The following ENTHD1 variants were observed in gnomAD, a reference collection of about 807,000 sequenced individuals.
ENTHD1 encodes the protein ENTH domain-containing protein 1.
In ENTHD1, 23 loss-of-function variants were observed where a neutral mutation model predicts 39.1. That is an observed-to-expected ratio of 0.59 (90% CI 0.42 to 0.83). The LOEUF (loss-of-function observed/expected upper bound fraction) is 0.83. ENTHD1 is among the 40% of genes least tolerant of loss of function. ENTHD1 has a pLI of 0.00. For synonymous variants in ENTHD1, 230 were observed against 258.2 expected (o/e 0.89, Z 1.05); for missense variants, 624 against 705.4 (o/e 0.88, Z 1.31).
chr22:39,746,064 G>A (rs2065102314), intron 6 of ENTHD1, among the ~76,000 whole-genome samples: 1 of 152,158 alleles, frequency 6.6e-6, no homozygotes, highest in African/African-American at 2.4e-5. Context: ...TTCAGCCCCA[G>A]AAAATTATTC....
At chr22:39,801,284 G>A (rs1172434037) in intron 5 of ENTHD1, among the ~76,000 whole-genome samples, 2 of 152,192 alleles carry the variant, frequency 1.3e-5, no homozygotes, top group Admixed American at 1.3e-4. Context: ...GCTGAGCTCT[G>A]TAATTGCTGT....
intron 4 of ENTHD1, among the ~76,000 whole-genome samples, chr22:39,826,352 C>T (rs897085315): frequency 2.6e-4 from 39 of 151,634 alleles, no homozygotes; most frequent in Admixed American, 1.8e-3. Context: ...ATTATTTTTA[C>T]TTATTTATCT....
intron 6 of ENTHD1, among the ~76,000 whole-genome samples, chr22:39,753,683 G>A (rs946299939): frequency 1.3e-5 from 2 of 152,090 alleles, no homozygotes; most frequent in South Asian, 2.1e-4. Context: ...CCTGAGTGAC[G>A]CCAATGTCCA....
chr22:39,888,242 CTCTT>C (rs768772776), intron 1 of ENTHD1, among the ~76,000 whole-genome samples: 35 of 147,232 alleles, frequency 2.4e-4, no homozygotes, highest in South Asian at 4.3e-4. Context: ...ACTCTGACAT[CTCTT>C]TCTTTCTTTC....
chr22:39,883,837 G>A (rs1323931097), intron 2 of ENTHD1, among the ~76,000 whole-genome samples: 7 of 122,264 alleles, frequency 5.7e-5, no homozygotes, highest in African/African-American at 2.2e-4. Context: ...CTGGATGACA[G>A]AGCAAGGCTC....
At chr22:39,827,624 T>C (rs2065837152) in intron 4 of ENTHD1, among the ~76,000 whole-genome samples, 1 of 152,134 alleles carries the variant, frequency 6.6e-6, no homozygotes, top group Admixed American at 6.5e-5. Flanking sequence ...ATTTTCTTCC[T>C]CTCAGATTGA....
chr22:39,827,079 G>A (rs933947156), intron 4 of ENTHD1, among the ~76,000 whole-genome samples: 21 of 149,830 alleles, frequency 1.4e-4, no homozygotes, highest in African/African-American at 3.9e-4. Flanking sequence ...GCAGTGGCGC[G>A]ATCTCGGCTC....
intron 5 of ENTHD1, among the ~76,000 whole-genome samples, chr22:39,810,976 G>A (rs1203490850): frequency 1.3e-5 from 2 of 152,206 alleles, no homozygotes; most frequent in Non-Finnish European, 2.9e-5. Flanking sequence ...GTCCCACAGA[G>A]CAACACACTG....
intron 2 of ENTHD1, among the ~76,000 whole-genome samples, chr22:39,863,192 TAGAC>T (rs2066157658): frequency 1.3e-5 from 2 of 152,052 alleles, no homozygotes; most frequent in South Asian, 2.1e-4. Context: ...CTAAGACAGA[TAGAC>T]AGACAGGCAA....
chr22:39,827,570 C>A (rs1217257292), intron 4 of ENTHD1, among the ~76,000 whole-genome samples: 1 of 151,890 alleles, frequency 6.6e-6, no homozygotes, highest in African/African-American at 2.4e-5. Flanking sequence ...AACAAACATG[C>A]CCAATAAACA....
At chr22:39,773,644 A>G (rs1433475196) in intron 5 of ENTHD1, among the ~76,000 whole-genome samples, 2 of 152,212 alleles carry the variant, frequency 1.3e-5, no homozygotes, top group Non-Finnish European at 2.9e-5. Flanking sequence ...TTTCCTGACC[A>G]GATTCTGACA....
intron 5 of ENTHD1, among the ~76,000 whole-genome samples, chr22:39,782,372 A>G (rs1167769929): frequency 1.3e-5 from 2 of 152,094 alleles, no homozygotes; most frequent in South Asian, 2.1e-4. Flanking sequence ...TTCACTGCTG[A>G]GTTCCACCGT....
intron 4 of ENTHD1, among the ~76,000 whole-genome samples, chr22:39,834,271 TCAAAA>T (rs2065892479): frequency 1.3e-5 from 2 of 152,044 alleles, no homozygotes; most frequent in African/African-American, 4.8e-5. Context: ...TGTGAAGAAC[TCAAAA>T]CTCAATGGTA....
intron 2 of ENTHD1, among the ~76,000 whole-genome samples, chr22:39,881,062 T>G (rs1275334968): frequency 2.0e-5 from 3 of 152,196 alleles, no homozygotes; most frequent in African/African-American, 7.2e-5. Flanking sequence ...AATTCATACA[T>G]GCCAAGTGTT....
chr22:39,786,455 T>G (rs538171321), intron 5 of ENTHD1, among the ~76,000 whole-genome samples: 13 of 152,294 alleles, frequency 8.5e-5, no homozygotes, highest in African/African-American at 2.9e-4. Context: ...GTGGCTGACG[T>G]GGAATGGGGC....
intron 3 of ENTHD1, among the ~76,000 whole-genome samples, chr22:39,836,820 G>A (rs936699049): frequency 3.9e-5 from 6 of 152,036 alleles, no homozygotes; most frequent in South Asian, 2.1e-4. Flanking sequence ...CTCCCGCTTC[G>A]CTCTCTTCCT....
intron 5 of ENTHD1, among the ~76,000 whole-genome samples, chr22:39,786,691 C>G (rs1446038444): frequency 6.6e-6 from 1 of 152,144 alleles, no homozygotes; most frequent in Admixed American, 6.5e-5. Context: ...CAACATCTCT[C>G]CAATCCCCTC....
chr22:39,775,340 G>A lies in ENTHD1; in HGVS notation c.833-9731C>T, dbSNP rs544478064. The stretch of plus-strand genomic sequence containing the variant: ...TAGCAGAGTATACCTGTATTCACTT[G>A]ATAAGTGTGTGTTCAATGAATCATA... On this transcript the variant is annotated intron_variant, in intron 5 of 6. Transcript: ENST00000325157. 3.3e-5 allele frequency among the ~76,000 whole-genome samples: 5 copies of A among 152,212 alleles called. No individual in the cohort carries two copies. In the East Asian group the frequency reaches 9.7e-4, roughly 29 times the overall value.
At chr22:39,849,724 T>A (rs924093031) in intron 3 of ENTHD1, among the ~76,000 whole-genome samples, 3 of 152,166 alleles carry the variant, frequency 2.0e-5, no homozygotes, top group Admixed American at 1.3e-4. Context: ...ATAACTTGAT[T>A]TTATGTTTTG....
Sources: gnomAD v4.1 joint callset for allele counts (sites outside exome capture counted in the v4.1 genomes callset) on GRCh38, gnomAD v4.1.1 for gene constraint, MANE v1.5 for transcripts, NCBI Gene and HGNC (gene_info 2026-07-23, HGNC 2026-07-21) for gene names.